The following NECAB1 variants were observed in gnomAD, a reference collection of about 807,000 sequenced individuals.
The protein encoded by NECAB1 is N-terminal EF-hand calcium binding protein 1.
NECAB1 carries 29 observed loss-of-function variants against 57.5 expected under a neutral mutation model. That is an observed-to-expected ratio of 0.50 (90% CI 0.38 to 0.69). The LOEUF (loss-of-function observed/expected upper bound fraction) is 0.69, where lower values mean the gene tolerates loss of function less well. Ranked by LOEUF, NECAB1 falls within the 30% of genes least tolerant of loss-of-function variation. NECAB1 has a pLI of 0.00. For synonymous variants in NECAB1, 142 were observed against 147.7 expected (o/e 0.96, Z 0.28); for missense variants, 372 against 413.8 (o/e 0.90, Z 0.88).
rs10630870 is a variant in NECAB1 at position 90,927,204 on chromosome 8, C to CTCTCTTTT, written c.617-1018_617-1017insCTCTTTTT. Among the ~76,000 whole-genome samples, 42 of 131,112 alleles carry CTCTCTTTT rather than the reference C, an allele frequency of 3.2e-4. No homozygotes were observed. In the South Asian group the frequency reaches 5.5e-3, roughly 17 times the overall value. The allele number at this position is 131,112 out of a possible 152,430, so 86.0% of individuals were successfully genotyped here. A position where few individuals can be genotyped will look rare whatever the true frequency, so the allele number is the denominator to read the frequency against. Reference sequence around the variant, plus strand: ...CAATCAGCCCCTTTCTTTTCTCTCTCTTTTTTTTTTTTTTGTAGCCACTTC... The same window carrying CTCTCTTTT: ...CAATCAGCCCCTTTCTTTTCTCTCTCTCTCTTTTTTTTTTTTTTTTTTGTAGCCACTTC... On this transcript the variant is annotated intron_variant, in intron 7 of 12. Transcript: ENST00000417640.
intron 10 of NECAB1, among the ~76,000 whole-genome samples, chr8:90,946,828 G>T (rs1810814349): frequency 1.3e-5 from 2 of 152,196 alleles, no homozygotes; most frequent in Non-Finnish European, 1.5e-5. Context: ...CACTGGGAAG[G>T]CTAGGAAACA....
rs140434155 is a variant in NECAB1, at chr8:90,827,706, C to G, written c.233+2881C>G. The stretch of plus-strand genomic sequence containing the variant: ...GGCTACTTAATTTTTTTCCTTTTAT[C>G]TCATGAAAATACTCTTAAAATATTA... On this transcript the variant is annotated intron_variant, in intron 3 of 12. Coordinates refer to ENST00000417640, the MANE Select transcript of NECAB1 (RefSeq NM_022351.5). 1.3e-4 allele frequency among the ~76,000 whole-genome samples: 19 copies of G among 151,892 alleles called. No homozygotes were observed. The East Asian group carries it at 3.3e-3, about 26-fold the overall frequency.
chr8:90,869,030 C>A (rs1440814734), intron 3 of NECAB1, among the ~76,000 whole-genome samples: 1 of 152,224 alleles, frequency 6.6e-6, no homozygotes, highest in African/African-American at 2.4e-5. Context: ...CGCAGCTGCT[C>A]CAGCTCCAGC....
chr8:90,958,906 A>C lies in NECAB1; in HGVS notation c.*3394A>C. ...GAGAAGTCAAATAGCCAACCATCAA[A>C]ATTAAGAATAAATTGAATTGTCACA... On this transcript the variant is annotated 3_prime_UTR_variant, in exon 13 of 13. Coordinates refer to ENST00000417640, the MANE Select transcript of NECAB1 (RefSeq NM_022351.5). The C allele has an allele frequency of 1.5e-6, 1 of 680,222 alleles. No individual in the cohort carries two copies. The highest frequency in any genetic ancestry group is 2.1e-5 in the South Asian group (1 of 47,664). 42.1% of individuals were successfully genotyped at this position (680,222 alleles called of 1,614,324 possible). A position where few individuals can be genotyped will look rare whatever the true frequency, so the allele number is the denominator to read the frequency against.
intron 3 of NECAB1, among the ~76,000 whole-genome samples, chr8:90,829,927 A>T (rs1448045614): frequency 2.0e-5 from 3 of 152,112 alleles, no homozygotes; most frequent in Non-Finnish European, 4.4e-5. Context: ...AAAGTCCCAT[A>T]ATAATTGGAA....
chr8:90,933,649 G>A lies in NECAB1; in HGVS notation c.694-655G>A, dbSNP rs187233642. 2.4e-3 allele frequency among the ~76,000 whole-genome samples: 358 copies of A among 151,940 alleles called. 2 individuals are homozygous for A. Among genetic ancestry groups the A allele is most frequent in the African/African-American group, 7.9e-3 (327 of 41,438 alleles). Reference sequence around the variant, plus strand: ...AGTGTATACTGTTCAGGTGACGGGTGCACCAACATCTCACAAATCACCACT... The same window carrying A: ...AGTGTATACTGTTCAGGTGACGGGTACACCAACATCTCACAAATCACCACT... On this transcript the variant is annotated intron_variant, in intron 8 of 12. Transcript: ENST00000417640.
intron 12 of NECAB1, among the ~76,000 whole-genome samples, chr8:90,953,599 A>C (rs905720013): frequency 6.6e-5 from 10 of 152,216 alleles, no homozygotes; most frequent in African/African-American, 1.9e-4. Flanking sequence ...TTTGACATTT[A>C]TTGGGACATC....
chr8:90,957,578 G>A lies in NECAB1; in HGVS notation c.*2066G>A, dbSNP rs1811053710. 6.6e-6 allele frequency: 1 copy of A among 150,704 alleles called. No homozygotes were observed. The highest frequency in any genetic ancestry group is 2.1e-4 in the South Asian group (1 of 4,824). 9.3% of individuals were successfully genotyped at this position (150,704 alleles called of 1,614,324 possible). A position where few individuals can be genotyped will look rare whatever the true frequency, so the allele number is the denominator to read the frequency against. On this transcript the variant is annotated 3_prime_UTR_variant, in exon 13 of 13. Coordinates refer to ENST00000417640, the MANE Select transcript of NECAB1 (RefSeq NM_022351.5). Reference sequence around the variant, plus strand: ...AAATTATACATGTATTTTTGTGTATGTTTGTGAGAGTTGTATGTATGTGAA... The same window carrying A: ...AAATTATACATGTATTTTTGTGTATATTTGTGAGAGTTGTATGTATGTGAA...
rs753658301 is a variant in NECAB1 at position 90,925,618 on chromosome 8, T to TCTC, written c.580_582dup (p.Ser194dup). The TCTC allele has an allele frequency of 6.2e-7, 1 of 1,613,828 alleles. No individual in the cohort carries two copies. The highest frequency in any genetic ancestry group is 8.5e-7 in the Non-Finnish European group (1 of 1,179,838). The stretch of plus-strand genomic sequence containing the variant: ...CGCCGAGTCCAGAGACACAACAGCT[T>TCTC]CTCCCCAAACAGCCCTCAGTTTAAT... On this transcript the variant is annotated inframe_insertion, in exon 7 of 13. Transcript: ENST00000417640.
intron 5 of NECAB1, among the ~76,000 whole-genome samples, chr8:90,907,156 G>C (rs973138143): frequency 7.8e-6 from 1 of 128,650 alleles, no homozygotes; most frequent in Non-Finnish European, 1.7e-5. Flanking sequence ...GTGTGTGAGA[G>C]AGAGAGAGAG....
chr8:90,917,766 C>A, intron 6 of NECAB1, 138 bp downstream of exon 6: 1 of 748,248 alleles, frequency 1.3e-6, no homozygotes, highest in Non-Finnish European at 1.8e-6. Flanking sequence ...GTGACCTCCA[C>A]TGGTTGCTTG....
At chr8:90,802,348 T>G (rs1303945599) in intron 2 of NECAB1, among the ~76,000 whole-genome samples, 3 of 152,260 alleles carry the variant, frequency 2.0e-5, no homozygotes, top group Non-Finnish European at 4.4e-5. Flanking sequence ...GATTTAATGA[T>G]GACTGCACAA....
At chr8:90,792,265 AC>A (rs1318021176) in intron 1 of NECAB1, among the ~76,000 whole-genome samples, 1 of 152,194 alleles carries the variant, frequency 6.6e-6, no homozygotes, top group Non-Finnish European at 1.5e-5. Context: ...ACAACAGACA[AC>A]ATTTGAGTGC....
chr8:90,938,664 A>G (rs1810598423), intron 9 of NECAB1, among the ~76,000 whole-genome samples: 1 of 152,224 alleles, frequency 6.6e-6, no homozygotes, highest in Admixed American at 6.5e-5. Context: ...TTGTGTAACT[A>G]TCTTAGGAAA....
At chr8:90,807,533 G>A (rs1446708019) in intron 2 of NECAB1, among the ~76,000 whole-genome samples, 1 of 152,084 alleles carries the variant, frequency 6.6e-6, no homozygotes, top group Non-Finnish European at 1.5e-5. Flanking sequence ...CCTTTGATGT[G>A]AGCTATTCAG....
At chr8:90,885,205 C>G (rs1172927654) in intron 5 of NECAB1, among the ~76,000 whole-genome samples, 2 of 152,148 alleles carry the variant, frequency 1.3e-5, no homozygotes, top group Non-Finnish European at 2.9e-5. Flanking sequence ...ATGAGTAGTT[C>G]AGGCAAAGAT....
intron 3 of NECAB1, chr8:90,825,236 T>G (rs985242434): frequency 6.6e-6 from 1 of 152,384 alleles, no homozygotes; most frequent in Non-Finnish European, 1.5e-5. Flanking sequence ...GTAGCAGTTA[T>G]CTGGACAATT....
At chr8:90,796,765 G>A (rs144672556) in intron 1 of NECAB1, among the ~76,000 whole-genome samples, 363 of 152,262 alleles carry the variant, frequency 2.4e-3, no homozygotes, top group African/African-American at 7.6e-3. Context: ...ATTCTCATCC[G>A]GAGTACATTT....
chr8:90,950,150 G>C (rs751779461), intron 11 of NECAB1, among the ~76,000 whole-genome samples: 4 of 152,148 alleles, frequency 2.6e-5, no homozygotes, highest in African/African-American at 7.2e-5. Context: ...AGAAGATATA[G>C]ATAGGGGGTA....
Sources: allele counts gnomAD v4.1 joint callset (sites outside exome capture counted in the v4.1 genomes callset), GRCh38; gene constraint gnomAD v4.1.1; transcripts MANE v1.5; gene names NCBI Gene and HGNC (gene_info 2026-07-23, HGNC 2026-07-21).